Variants in PCDHGA7 observed in about 807,000 individuals in gnomAD.
The protein encoded by PCDHGA7 is protocadherin gamma-A7.
PCDHGA7 carries 44 observed loss-of-function variants against 58.3 expected under a neutral mutation model. The ratio of observed to expected loss-of-function variants is 0.75; its 90% CI spans 0.59 to 0.97. PCDHGA7 has a LOEUF of 0.97. Ranked by LOEUF, PCDHGA7 falls within the 50% of genes least tolerant of loss-of-function variation. The pLI is 0.00. For synonymous variants in PCDHGA7, 516 were observed against 504.2 expected (o/e 1.02, Z -0.31); for missense variants, 1,266 against 1,188.7 (o/e 1.06, Z -0.96).
Position 141,431,420 on chromosome 5 carries a change from G to C in PCDHGA7, c.2424+46097G>C, listed in dbSNP as rs780266425. The C allele has an allele frequency of 8.1e-6, 13 of 1,613,592 alleles. No individual in the cohort carries two copies. Among genetic ancestry groups the C allele is most frequent in the East Asian group, 2.2e-5 (1 of 44,902 alleles). ...TACGGCCTCCGACGGGGGCGACCCG[G>C]TGCGCACAGGCACCGCGCGCATCCG... is the stretch of plus-strand genomic sequence containing the variant. On this transcript the variant is annotated intron_variant, in intron 1 of 3. Transcript: ENST00000518325. This position sits in a 1 kb window ranked among gnomAD's most constrained non-coding sequence, Gnocchi z 4.8.
At chr5:141,440,428 C>A (rs1001845529) in intron 1 of PCDHGA7, 1 of 152,132 alleles carries the variant, frequency 6.6e-6, no homozygotes, top group Non-Finnish European at 1.5e-5. Context: ...GCCTGGGTGA[C>A]AGAGCAAGGC....
intron 1 of PCDHGA7, among the ~76,000 whole-genome samples, chr5:141,407,497 G>GTTTTTTTTTTTTTT (rs1554102286): frequency 6.6e-6 from 1 of 152,090 alleles, no homozygotes; most frequent in African/African-American, 2.4e-5. Context: ...CTTTATTTCT[G>GTTTTTTTTTTTTTT]TTTTTCTTAG....
In PCDHGA7 at chr5:141,388,210, T is replaced by C. The variant is rs1589055013; in HGVS notation, c.2424+2887T>C. ...GCTTGTGCTCTGGAATTTGAGGCTG[T>C]TGCTGAAAATCCACTGAACTTTTAT... On this transcript the variant is annotated intron_variant, in intron 1 of 3. Transcript: ENST00000518325. 1.9e-6 allele frequency: 3 copies of C among 1,587,862 alleles called. No homozygotes were observed. Among genetic ancestry groups the C allele is most frequent in the Non-Finnish European group, 2.6e-6 (3 of 1,159,126 alleles).
chr5:141,384,528 C>T lies in PCDHGA7; in HGVS notation c.1629C>T (p.Ser543=). 2 of 1,614,254 alleles carry T rather than the reference C, an allele frequency of 1.2e-6. No individual in the cohort carries two copies. Among genetic ancestry groups the T allele is most frequent in the Non-Finnish European group, 1.7e-6 (2 of 1,180,042 alleles). The change falls in exon 1 of 4, where the codon AGC becomes AGT. Residue 543 remains serine (S), a synonymous_variant. Transcript: ENST00000518325. ...TAHDSGDPPL[S]SNMSLSLFVL... ...ATGACAGCGGGGACCCGCCTCTCAG[C>T]AGCAACATGTCACTGAGCCTGTTCG... is the stretch of plus-strand genomic sequence containing the variant.
Position 141,432,110 on chromosome 5 carries a change from G to T in PCDHGA7, c.2424+46787G>T, listed in dbSNP as rs768038692. The T allele has an allele frequency of 6.2e-7, 1 of 1,614,108 alleles. No homozygotes were observed. Among genetic ancestry groups the T allele is most frequent in the Non-Finnish European group, 8.5e-7 (1 of 1,180,036 alleles). ...GGCAGACACCAACGACAACCCGCCG[G>T]TCTTCCCTCAGGCCTCCTATTCCGC... On this transcript the variant is annotated intron_variant, in intron 1 of 3. Coordinates refer to ENST00000518325, the MANE Select transcript of PCDHGA7 (RefSeq NM_018920.4). The surrounding 1 kb of genome is among the most constrained non-coding windows in gnomAD (Gnocchi z 6.0).
intron 1 of PCDHGA7, chr5:141,405,386 T>C (rs2094651618): frequency 6.9e-6 from 11 of 1,595,500 alleles, no homozygotes; most frequent in Non-Finnish European, 7.7e-6. Flanking sequence ...GGTGAGTTCA[T>C]TTTTTTTCTT....
chr5:141,409,882 G>A, intron 1 of PCDHGA7: 1 of 1,613,006 alleles, frequency 6.2e-7, no homozygotes, highest in Non-Finnish European at 8.5e-7. Context: ...ACAACGCACC[G>A]CGGGTGCTGT....
chr5:141,482,747 G>T lies in PCDHGA7; in HGVS notation c.2425-12060G>T, dbSNP rs182945398. On this transcript the variant is annotated intron_variant, in intron 1 of 3. Transcript: ENST00000518325. ...CATTGCAAGAAATTCCATGCAGAGG[G>T]ATTATGGTATTTCATTATCACTGAA... Among the ~76,000 whole-genome samples, 567 of 128,410 alleles carry T rather than the reference G, an allele frequency of 4.4e-3. 2 individuals carry two copies. The highest frequency in any genetic ancestry group is 0.019 in the African/African-American group (533 of 28,666). The allele number at this position is 128,410 out of a possible 152,430, so 84.2% of individuals were successfully genotyped here. A position where few individuals can be genotyped will look rare whatever the true frequency, so the allele number is the denominator to read the frequency against.
In PCDHGA7 at chr5:141,511,028, T is replaced by G. The variant is rs1279056657; in HGVS notation, c.2654T>G (p.Leu885Arg). The G allele has an allele frequency of 3.7e-6, 6 of 1,614,084 alleles. No individual in the cohort carries two copies. The highest frequency in any genetic ancestry group is 1.7e-5 in the Admixed American group (1 of 60,004). ...LSARYGPQFT[L>R]QHVPDYRQNV... is the part of the protein sequence containing the mutation. The stretch of plus-strand genomic sequence containing the variant: ...GCCCGCTACGGACCCCAGTTCACCC[T>G]GCAGCACGTGCCCGACTACCGCCAG... Residue 885 changes from leucine to arginine, a missense_variant, in exon 4 of 4, where the codon CTG becomes CGG. Physicochemically the swap from Leu to Arg is moderately radical, Grantham distance 102. Transcript: ENST00000518325.
At chr5:141,417,787 T>C in intron 1 of PCDHGA7, 1 of 1,477,124 alleles carries the variant, frequency 6.8e-7, no homozygotes, top group Non-Finnish European at 9.0e-7. Flanking sequence ...CTGGGCCGAA[T>C]GCTCTTTTAG....
Position 141,511,107 on chromosome 5 carries a change from G to A in PCDHGA7, c.2733G>A (p.Arg911=), listed in dbSNP as rs2099883608. 1 of 1,614,220 alleles carries A rather than the reference G, an allele frequency of 6.2e-7. No homozygotes were observed. Among genetic ancestry groups the A allele is most frequent in the Non-Finnish European group, 8.5e-7 (1 of 1,180,020 alleles). Residue 911 remains arginine, a synonymous_variant, in exon 4 of 4, where the codon CGG becomes CGA. Coordinates refer to ENST00000518325, the MANE Select transcript of PCDHGA7 (RefSeq NM_018920.4). Reference sequence around the variant, plus strand: ...CACTGACCAACGCAGCTGGCAAGCGGGATGGCAAGGCCCCAGCAGGTGGCA... The same window carrying A: ...CACTGACCAACGCAGCTGGCAAGCGAGATGGCAAGGCCCCAGCAGGTGGCA... The part of the protein sequence containing the change: ...NATLTNAAGK[R]DGKAPAGGNG...
intron 1 of PCDHGA7, among the ~76,000 whole-genome samples, chr5:141,402,471 A>G (rs1241536886): frequency 6.6e-6 from 1 of 152,238 alleles, no homozygotes; most frequent in Non-Finnish European, 1.5e-5. Context: ...CTAGAAATAG[A>G]GTGCAAAGTT....
rs1167791830 is a variant in PCDHGA7 at position 141,420,032 on chromosome 5, G to A, written c.2424+34709G>A. 6.2e-7 allele frequency: 1 copy of A among 1,613,956 alleles called. No individual in the cohort carries two copies. Among genetic ancestry groups the A allele is most frequent in the Non-Finnish European group, 8.5e-7 (1 of 1,179,920 alleles). ...ACAGTCTTTCAGCCCTACTGCAGGA[G>A]ACTGCTTTGAGTCAGTTCTCTGCTC... On this transcript the variant is annotated intron_variant, in intron 1 of 3. Coordinates refer to ENST00000518325, the MANE Select transcript of PCDHGA7 (RefSeq NM_018920.4).
chr5:141,502,087 C>T (rs1289663374), intron 2 of PCDHGA7, among the ~76,000 whole-genome samples: 1 of 152,180 alleles, frequency 6.6e-6, no homozygotes, highest in Admixed American at 6.5e-5. Context: ...GGGCTGAGAA[C>T]ACCTGGCCTT....
chr5:141,387,984 C>T (rs1470979893), intron 1 of PCDHGA7: 2 of 1,485,580 alleles, frequency 1.3e-6, no homozygotes. Flanking sequence ...TGAGCAGATC[C>T]GCTACAGGAT....
At chr5:141,397,543 G>A (rs547149193) in intron 1 of PCDHGA7, among the ~76,000 whole-genome samples, 17 of 152,282 alleles carry the variant, frequency 1.1e-4, no homozygotes, top group African/African-American at 3.8e-4. Flanking sequence ...TTTGAAATCA[G>A]TATAGTATGA....
intron 1 of PCDHGA7, among the ~76,000 whole-genome samples, chr5:141,462,269 T>C (rs2099036247): frequency 6.6e-6 from 1 of 152,230 alleles, no homozygotes; most frequent in Admixed American, 6.5e-5. Context: ...CTAAAGTGTA[T>C]TGTTTAGTCA....
At chr5:141,405,380 A>G in intron 1 of PCDHGA7, 1 of 1,602,960 alleles carries the variant, frequency 6.2e-7, no homozygotes, top group Non-Finnish European at 8.5e-7. Context: ...GGTTCCGGTG[A>G]GTTCATTTTT....
chr5:141,477,295 G>A lies in PCDHGA7; in HGVS notation c.2425-17512G>A, dbSNP rs1207558247. On this transcript the variant is annotated intron_variant, in intron 1 of 3. Transcript: ENST00000518325. This position sits in a 1 kb window ranked among gnomAD's most constrained non-coding sequence, Gnocchi z 4.9. ...GGCTGGTGACCTGCGAAGTTCCACC[G>A]GGTCTCCCTTTCAGCCTTACTTCTT... is the stretch of plus-strand genomic sequence containing the variant. The A allele has an allele frequency of 8.1e-6, 13 of 1,613,990 alleles. No homozygotes were observed. Among genetic ancestry groups the A allele is most frequent in the Admixed American group, 3.3e-5 (2 of 59,990 alleles).
Sources: allele counts gnomAD v4.1 joint callset (sites outside exome capture counted in the v4.1 genomes callset), GRCh38; gene constraint gnomAD v4.1.1; non-coding constraint Gnocchi (gnomAD v3.1); transcripts MANE v1.5; gene names NCBI Gene and HGNC (gene_info 2026-07-23, HGNC 2026-07-21).